The following USP38 variants were observed in gnomAD, a reference collection of about 807,000 sequenced individuals.
USP38 encodes ubiquitin specific peptidase 38.
Under a neutral mutation model 94.3 loss-of-function variants are expected in USP38, and 49 were observed. That is an observed-to-expected ratio of 0.52 (90% CI 0.41 to 0.66). The LOEUF (loss-of-function observed/expected upper bound fraction) is 0.66. USP38 is among the 30% of genes least tolerant of loss of function. The probability of loss-of-function intolerance (pLI) is 0.00; values close to 1 mark genes in which losing one functional copy is unlikely to be tolerated. For missense variants in USP38, 1,128 were observed against 1,229.4 expected, an observed-to-expected ratio of 0.92 and a Z score of 1.23; for synonymous variants, 468 against 463.6, an observed-to-expected ratio of 1.01 and a Z score of -0.12.
rs1231056078 is a variant in USP38 at position 143,187,873 on chromosome 4, A to G, written c.730A>G (p.Ile244Val). Residue 244 changes from isoleucine (I) to valine (V), a missense_variant, in exon 2 of 10, where the codon ATT (isoleucine) becomes GTT (valine). Coordinates refer to ENST00000307017, the MANE Select transcript of USP38 (RefSeq NM_032557.6). ...SVALASLVQH[I>V]PLQMITVLIR... ...AGCATTGGCAAGCCTTGTGCAGCAT[A>G]TTCCTCTTCAGATGATTACAGTTCT... 1.2e-6 allele frequency: 2 copies of G among 1,613,702 alleles called. No individual in the cohort carries two copies. The highest frequency in any genetic ancestry group is 2.2e-5 in the East Asian group (1 of 44,844).
chr4:143,208,735 TCAA>T (rs1731940742), intron 6 of USP38, among the ~76,000 whole-genome samples: 2 of 152,048 alleles, frequency 1.3e-5, no homozygotes, highest in African/African-American at 4.8e-5. Context: ...AAGGCACAAT[TCAA>T]ATTTGTGGGG....
At chr4:143,213,304 G>C (rs943734386) in intron 8 of USP38, among the ~76,000 whole-genome samples, 1 of 152,124 alleles carries the variant, frequency 6.6e-6, no homozygotes, top group African/African-American at 2.4e-5. Flanking sequence ...AGATATATAA[G>C]ACAGTTAAGG....
At position 143,185,698 on chromosome 4, in the gene USP38, C is replaced by T; in HGVS notation, c.248C>T (p.Thr83Ile). Residue 83 changes from threonine to isoleucine, a missense_variant, in exon 1 of 10, where the codon ACC becomes ATC. By Grantham distance (89) the Thr-to-Ile change is moderately conservative (BLOSUM62 -1). Coordinates refer to ENST00000307017, the MANE Select transcript of USP38 (RefSeq NM_032557.6). ...RPEFESFFNK[T>I]FVLGLLHQGY... ...GAGTTCGAGTCCTTCTTCAACAAGA[C>T]CTTCGTGTTGGGCCTCCTTCATCAG... is the stretch of plus-strand genomic sequence containing the variant. The T allele has an allele frequency of 6.2e-7, 1 of 1,614,184 alleles. No individual in the cohort carries two copies. The highest frequency in any genetic ancestry group is 8.5e-7 in the Non-Finnish European group (1 of 1,180,030).
Position 143,214,314 on chromosome 4 carries a change from A to G in USP38, c.2338A>G (p.Ile780Val), listed in dbSNP as rs763648913. 1.4e-5 allele frequency: 22 copies of G among 1,612,664 alleles called. No homozygotes were observed. The highest frequency in any genetic ancestry group is 1.9e-5 in the Non-Finnish European group (22 of 1,179,612). ...YDQKYHVRRK[I>V]LDNVSLPLVL... ...TCAGAAGTATCATGTGAGAAGGAAA[A>G]TTTTAGACAATGTATCACTGCCACT... The change falls in exon 9 of 10, where the codon ATT (isoleucine) becomes GTT (valine). Residue 780 changes from isoleucine to valine, a missense_variant. Physicochemically the swap from Ile to Val is conservative, Grantham distance 29. Transcript: ENST00000307017.
Position 143,187,827 on chromosome 4 carries a change from T to A in USP38, c.684T>A (p.Asp228Glu). The change falls in exon 2 of 10, where the codon GAT becomes GAA. Residue 228 changes from aspartate (D) to glutamate (E), a missense_variant and splice_region_variant. Physicochemically the swap from Asp to Glu is conservative, Grantham distance 45. Transcript: ENST00000307017. Reference sequence around the variant, plus strand: ...TTTTCTTTTTAATTGAAAAAACAGATGCATCATTTGAACCTTCTGTAGCAT... The same window carrying A: ...TTTTCTTTTTAATTGAAAAAACAGAAGCATCATTTGAACCTTCTGTAGCAT... ...QEVFASISST[D>E]ASFEPSVALA... is the part of the protein sequence containing the mutation. The A allele has an allele frequency of 6.2e-7, 1 of 1,607,106 alleles. No homozygotes were observed. The highest frequency in any genetic ancestry group is 8.5e-7 in the Non-Finnish European group (1 of 1,177,666).
In USP38 at chr4:143,220,379, G is replaced by C. The variant is rs748416210; in HGVS notation, c.3052G>C (p.Asp1018His). ...TCGGCCCAATGGATTTGATGACAACGACCCACCAGGAAGCTGTGGACCAAC... is the reference window on the plus strand; with the variant it reads ...TCGGCCCAATGGATTTGATGACAACCACCCACCAGGAAGCTGTGGACCAAC... ...SFRPNGFDDN[D>H]PPGSCGPTGG... is the part of the protein sequence containing the mutation. Residue 1018 changes from aspartate (D) to histidine (H), a missense_variant, in exon 10 of 10, where the codon GAC becomes CAC. Asp to His is a moderately conservative substitution (Grantham distance 81, BLOSUM62 -1). Transcript: ENST00000307017. 6.2e-7 allele frequency: 1 copy of C among 1,613,432 alleles called. No homozygotes were observed. Among genetic ancestry groups the C allele is most frequent in the East Asian group, 2.2e-5 (1 of 44,846 alleles).
chr4:143,186,171 C>G, intron 1 of USP38, 39 bp downstream of exon 1: 1 of 1,575,942 alleles, frequency 6.3e-7, no homozygotes, highest in South Asian at 1.2e-5. Context: ...CATAAAAAAT[C>G]AGTATATGTC....
Position 143,186,066 on chromosome 4 carries a change from T to A in USP38, c.616T>A (p.Trp206Arg). ...TKVSNLLQNI[W>R]KAEPATLLPS... ...AGTGAGTAACTTGCTGCAGAACATC[T>A]GGAAGGCCGAGCCTGCCACACTACT... Residue 206 changes from tryptophan (W) to arginine (R), a missense_variant, in exon 1 of 10, where the codon TGG becomes AGG. Transcript: ENST00000307017. 1 of 1,614,200 alleles carries A rather than the reference T, an allele frequency of 6.2e-7. No individual in the cohort carries two copies. Among genetic ancestry groups the A allele is most frequent in the Non-Finnish European group, 8.5e-7 (1 of 1,180,036 alleles).
Position 143,220,252 on chromosome 4 carries a change from G to T in USP38, c.2968-43G>T, listed in dbSNP as rs1316856241. 5.7e-6 allele frequency: 9 copies of T among 1,566,808 alleles called. No individual in the cohort carries two copies. In the African/African-American group the frequency reaches 6.9e-5, roughly 12 times the overall value. On this transcript the variant is annotated intron_variant, in intron 9 of 9. Transcript: ENST00000307017. The stretch of plus-strand genomic sequence containing the variant: ...TCTATAGGTGATATAACGATCCATT[G>T]TATTTAGCATTTTAATTTCATAAAA...
chr4:143,197,577 G>C (rs1284667219), intron 3 of USP38, among the ~76,000 whole-genome samples: 4 of 152,172 alleles, frequency 2.6e-5, no homozygotes, highest in African/African-American at 9.7e-5. Context: ...TGTAAACATA[G>C]TTTGACAAAT....
In USP38 at chr4:143,186,084, A is replaced by C; in HGVS notation, c.634A>C (p.Thr212Pro). 1 of 1,614,210 alleles carries C rather than the reference A, an allele frequency of 6.2e-7. No homozygotes were observed. The highest frequency in any genetic ancestry group is 8.5e-7 in the Non-Finnish European group (1 of 1,180,036). ...LQNIWKAEPA[T>P]LLPSLQEVFA... ...GAACATCTGGAAGGCCGAGCCTGCC[A>C]CACTACTGCCTTCCCTGCAAGAAGT... Residue 212 changes from threonine to proline, a missense_variant, in exon 1 of 10, where the codon ACA becomes CCA. By Grantham distance (38) the Thr-to-Pro change is conservative. Coordinates refer to ENST00000307017, the MANE Select transcript of USP38 (RefSeq NM_032557.6).
At chr4:143,195,974 T>G (rs569159540) in intron 3 of USP38, 129 bp downstream of exon 3, 2 of 919,912 alleles carry the variant, frequency 2.2e-6, no homozygotes, top group Non-Finnish European at 3.0e-6. Flanking sequence ...AATAACAGTT[T>G]GAATAGGCTT....
chr4:143,207,097 G>A (rs1267862697), intron 6 of USP38, among the ~76,000 whole-genome samples: 5 of 152,140 alleles, frequency 3.3e-5, no homozygotes, highest in East Asian at 1.9e-4. Flanking sequence ...ACAAAATAAC[G>A]ATAAACTTTT....
chr4:143,216,461 A>G (rs1732184150), intron 9 of USP38, among the ~76,000 whole-genome samples: 2 of 151,076 alleles, frequency 1.3e-5, no homozygotes, highest in Admixed American at 6.6e-5. Flanking sequence ...AAGCAAAAAT[A>G]CAATAATAAA....
intron 2 of USP38, among the ~76,000 whole-genome samples, chr4:143,189,361 A>AT (rs1162676738): frequency 6.6e-6 from 1 of 151,556 alleles, no homozygotes; most frequent in Non-Finnish European, 1.5e-5. Context: ...TTGTTTTTTA[A>AT]TTCTTTTCCT....
chr4:143,187,473 A>T (rs981287923), intron 1 of USP38, among the ~76,000 whole-genome samples: 1 of 152,156 alleles, frequency 6.6e-6, no homozygotes, highest in Non-Finnish European at 1.5e-5. Context: ...TTGAAATGAT[A>T]CTTTATGTTT....
Position 143,205,379 on chromosome 4 carries a change from A to G in USP38, c.1210-654A>G, listed in dbSNP as rs549932781. 1.4e-4 allele frequency among the ~76,000 whole-genome samples: 22 copies of G among 152,326 alleles called. No homozygotes were observed. The East Asian group carries it at 2.7e-3, about 19-fold the overall frequency. Reference sequence around the variant, plus strand: ...AACTTCCCTTACTCTCCAGTGCTCTATTCATGCTTGAAATAATTTACACTT... The same window carrying G: ...AACTTCCCTTACTCTCCAGTGCTCTGTTCATGCTTGAAATAATTTACACTT... On this transcript the variant is annotated intron_variant, in intron 5 of 9. Coordinates refer to ENST00000307017, the MANE Select transcript of USP38 (RefSeq NM_032557.6).
In USP38 at chr4:143,195,817, T is replaced by C. The variant is rs767863352; in HGVS notation, c.920T>C (p.Ile307Thr). 21 of 1,613,292 alleles carry C rather than the reference T, an allele frequency of 1.3e-5. No homozygotes were observed. The highest frequency in any genetic ancestry group is 6.6e-5 in the South Asian group (6 of 90,938). The change falls in exon 3 of 10, where the codon ATA becomes ACA. Residue 307 changes from isoleucine (I) to threonine (T), a missense_variant. Transcript: ENST00000307017. ...LAAVQKFTIL[I>T]DVTLLKIELV... ...GCTGTCCAGAAGTTTACTATTTTGA[T>C]AGATGTTACTTTGCTGAAAATAGAA...
Position 143,222,522 on chromosome 4 carries a change from T to G in USP38, c.*2066T>G, listed in dbSNP as rs1732351482. 1 of 152,088 alleles carries G rather than the reference T, an allele frequency of 6.6e-6. No individual in the cohort carries two copies. Among genetic ancestry groups the G allele is most frequent in the Admixed American group, 6.6e-5 (1 of 15,248 alleles). 9.4% of individuals were successfully genotyped at this position (152,088 alleles called of 1,614,324 possible). A position where few individuals can be genotyped will look rare whatever the true frequency, so the allele number is the denominator to read the frequency against. On this transcript the variant is annotated 3_prime_UTR_variant, in exon 10 of 10. Transcript: ENST00000307017. Reference sequence around the variant, plus strand: ...TCATTTGTACTATTTTTTATGATATTTATTGGTTTTTTAAATTTTCTATCC... The same window carrying G: ...TCATTTGTACTATTTTTTATGATATGTATTGGTTTTTTAAATTTTCTATCC...
Sources: gnomAD v4.1 joint callset for allele counts (sites outside exome capture counted in the v4.1 genomes callset) on GRCh38, gnomAD v4.1.1 for gene constraint, MANE v1.5 for transcripts, NCBI Gene and HGNC (gene_info 2026-07-23, HGNC 2026-07-21) for gene names.